TTC19: variants seen among roughly 807,000 people sequenced by gnomAD.
TTC19 encodes the protein tetratricopeptide repeat protein 19, mitochondrial.
Under a neutral mutation model 49.5 loss-of-function variants are expected in TTC19, and 38 were observed. The observed-to-expected ratio is 0.77, with a 90% CI of 0.59 to 1.01. The LOEUF is 1.01. Among genes scored for constraint, TTC19 ranks in the 50% least tolerant of loss-of-function variants. The pLI is 0.00. For missense variants in TTC19, 475 were observed against 477.7 expected (o/e 0.99, Z 0.05); for synonymous variants, 204 against 185.2 (o/e 1.10, Z -0.83).
chr17:16,041,786 G>C (rs2057719552), intron 2 of TTC19, among the ~76,000 whole-genome samples: 1 of 151,674 alleles, frequency 6.6e-6, no homozygotes, highest in Non-Finnish European at 1.5e-5. Flanking sequence ...GCCCAGGCTG[G>C]AGTGCAGCGG....
intron 2 of TTC19, among the ~76,000 whole-genome samples, chr17:16,037,463 G>A (rs929992198): frequency 4.6e-5 from 7 of 151,990 alleles, no homozygotes; most frequent in Non-Finnish European, 8.8e-5. Context: ...AAGAAAGCCA[G>A]GATTTCACTT....
At chr17:16,017,853 T>G (rs1052452147) in intron 7 of TTC19, among the ~76,000 whole-genome samples, 1 of 119,210 alleles carries the variant, frequency 8.4e-6, no homozygotes, top group Admixed American at 8.4e-5. Flanking sequence ...TTAATTCCTT[T>G]GTTTTCAGTT....
intron 2 of TTC19, chr17:16,034,679 A>G: frequency 8.3e-7 from 1 of 1,199,424 alleles, no homozygotes; most frequent in Non-Finnish European, 1.2e-6. Context: ...CCAAATTAGA[A>G]GAGTTGCTGA....
At chr17:16,039,779 AC>A in intron 2 of TTC19, 1 of 825,646 alleles carries the variant, frequency 1.2e-6, no homozygotes, top group Middle Eastern at 3.0e-4. Flanking sequence ...CAATACCAGG[AC>A]CCACCACACA....
intron 8 of TTC19, 124 bp downstream of exon 8, chr17:16,025,295 C>G (rs1971517347): frequency 2.0e-6 from 2 of 1,003,726 alleles, no homozygotes; most frequent in East Asian, 2.6e-5. Flanking sequence ...GGTCCCCAGT[C>G]TACTCATTTT....
In TTC19 at chr17:16,027,910, CTTACT is replaced by C. The variant is rs759216239; in HGVS notation, c.*397_*401del. 14 of 457,970 alleles carry C rather than the reference CTTACT, an allele frequency of 3.1e-5. No homozygotes were observed. Among genetic ancestry groups the C allele is most frequent in the Admixed American group, 4.7e-5 (2 of 42,624 alleles). The allele number at this position is 457,970 out of a possible 1,614,324, so 28.4% of individuals were successfully genotyped here. A position where few individuals can be genotyped will look rare whatever the true frequency, so the allele number is the denominator to read the frequency against. On this transcript the variant is annotated 3_prime_UTR_variant, in exon 10 of 10. Transcript: ENST00000261647. ...CTGCTGATTTGCTGCCCTGTCTTCT[CTTACT>C]TTACTTTATCAATACCTGGCAAACT...
At position 16,005,503 on chromosome 17, in the gene TTC19, GAAGAA is replaced by G. The variant is rs1283108787; in HGVS notation, c.582-965_582-961del. On this transcript the variant is annotated intron_variant, in intron 6 of 9. Transcript: ENST00000261647. ...TCTGTAAGAAACTAGAGCCAAAACT[GAAGAA>G]AAGAACCAAAGCTGAGCTCCTAAAT... Among the ~76,000 whole-genome samples the G allele has an allele frequency of 2.9e-5, 4 of 136,882 alleles. No homozygotes were observed. In the East Asian group the frequency reaches 7.9e-4, roughly 27 times the overall value. The allele number at this position is 136,882 out of a possible 152,430, so 89.8% of individuals were successfully genotyped here. A position where few individuals can be genotyped will look rare whatever the true frequency, so the allele number is the denominator to read the frequency against.
chr17:16,038,627 G>A (rs774427687), intron 2 of TTC19, among the ~76,000 whole-genome samples: 3 of 151,946 alleles, frequency 2.0e-5, no homozygotes, highest in African/African-American at 7.3e-5. Context: ...TGTAGAGACG[G>A]GGTTTTCATC....
intron 7 of TTC19, among the ~76,000 whole-genome samples, chr17:16,009,690 T>C (rs898263896): frequency 6.6e-6 from 1 of 152,214 alleles, no homozygotes; most frequent in African/African-American, 2.4e-5. Context: ...CAAATTTACG[T>C]GCTTTTTATT....
rs536280103 is a variant in TTC19, at chr17:16,044,778, A to C, written c.*223A>C. 6.9e-6 allele frequency: 7 copies of C among 1,016,878 alleles called. No homozygotes were observed. In the South Asian group the frequency reaches 8.9e-5, roughly 13 times the overall value. 63.0% of individuals were successfully genotyped at this position (1,016,878 alleles called of 1,614,324 possible). ...AGCTTGTTTGCAATGGCCCTGGCCA[A>C]TGTCAACATTGGGAGCCTCATCTAC... On this transcript the variant is annotated 3_prime_UTR_variant, in exon 3 of 3. Transcript: ENST00000470649.
At chr17:16,024,254 C>G (rs988205868) in intron 7 of TTC19, 5 of 152,018 alleles carry the variant, frequency 3.3e-5, no homozygotes, top group African/African-American at 7.2e-5. Context: ...TTCTTCTTCT[C>G]TGAATGATTA....
intron 2 of TTC19, among the ~76,000 whole-genome samples, chr17:16,043,436 C>A (rs1259504681): frequency 6.6e-6 from 1 of 152,164 alleles, no homozygotes; most frequent in East Asian, 1.9e-4. Context: ...TAAAGCAATT[C>A]TGTTAGTACT....
At position 16,025,866 on chromosome 17, in the gene TTC19, G is replaced by A. The variant is rs1360859325; in HGVS notation, c.832-674G>A. ...TGTTTTGGAAGAAAAGGGAGGTTGA[G>A]CTATGAATTATCTCCATGAAAGGGA... On this transcript the variant is annotated intron_variant, in intron 8 of 9. Coordinates refer to ENST00000261647, the MANE Select transcript of TTC19 (RefSeq NM_017775.4). 2.0e-5 allele frequency among the ~76,000 whole-genome samples: 3 copies of A among 152,320 alleles called. No individual in the cohort carries two copies. In the East Asian group the frequency reaches 5.8e-4, roughly 29 times the overall value.
At chr17:16,024,654 C>G (rs1597467991) in intron 7 of TTC19, 1 of 301,370 alleles carries the variant, frequency 3.3e-6, no homozygotes. Context: ...CTTCAGGATT[C>G]TGAGTGTTCT....
downstream of TTC19, chr17:16,030,079 G>T (rs560423812): frequency 6.8e-5 from 12 of 177,484 alleles, no homozygotes; most frequent in East Asian, 1.0e-3. Flanking sequence ...GAAGTCTTAC[G>T]GATAACATAG....
chr17:16,011,686 A>G (rs1567581233), intron 7 of TTC19, among the ~76,000 whole-genome samples: 1 of 152,152 alleles, frequency 6.6e-6, no homozygotes, highest in Non-Finnish European at 1.5e-5. Flanking sequence ...CCAAATTGCC[A>G]TTGAAAGGAC....
At position 16,007,810 on chromosome 17, in the gene TTC19, T is replaced by C. The variant is rs553340394; in HGVS notation, c.676+1242T>C. Among the ~76,000 whole-genome samples, 7 of 152,316 alleles carry C rather than the reference T, an allele frequency of 4.6e-5. No individual in the cohort carries two copies. The South Asian group carries it at 1.4e-3, about 32-fold the overall frequency. On this transcript the variant is annotated intron_variant, in intron 7 of 9. Coordinates refer to ENST00000261647, the MANE Select transcript of TTC19 (RefSeq NM_017775.4). ...ATTTCTTGAATTTTTCATTTAATAT[T>C]TTTCGGACTCTGGTTGACTGCAGAT...
At chr17:16,000,526 G>A (rs530787040) in intron 2 of TTC19, 4 of 832,964 alleles carry the variant, frequency 4.8e-6, no homozygotes, top group African/African-American at 1.8e-5. Context: ...GGAACGTTTT[G>A]TAGTGGTTTT....
intron 7 of TTC19, among the ~76,000 whole-genome samples, chr17:16,014,225 T>C (rs144109016): frequency 1.4e-3 from 214 of 152,358 alleles, no homozygotes; most frequent in African/African-American, 4.7e-3. Flanking sequence ...TACTTCTCAT[T>C]GGTTAGAATT....
Sources: gnomAD v4.1 joint callset for allele counts (sites outside exome capture counted in the v4.1 genomes callset) on GRCh38, gnomAD v4.1.1 for gene constraint, MANE v1.5 for transcripts, NCBI Gene and HGNC (gene_info 2026-07-23, HGNC 2026-07-21) for gene names.